Variants in SNTG2 observed in about 807,000 individuals in gnomAD.
SNTG2 encodes the protein syntrophin gamma 2.
Under a neutral mutation model 70.9 loss-of-function variants are expected in SNTG2, and 74 were observed. The observed-to-expected ratio is 1.04, with a 90% CI of 0.86 to 1.27. SNTG2 has a LOEUF of 1.27. Ranked by LOEUF, SNTG2 falls within the 50% of genes most tolerant of loss-of-function variation. The pLI, the probability that SNTG2 is intolerant of heterozygous loss-of-function variation, is 0.00. For synonymous variants in SNTG2, 278 were observed against 273.8 expected, an observed-to-expected ratio of 1.02 and a Z score of -0.15; for missense variants, 717 against 690.7, an observed-to-expected ratio of 1.04 and a Z score of -0.43.
At chr2:1,174,338 TA>T (rs1671332853) in intron 8 of SNTG2, among the ~76,000 whole-genome samples, 1 of 152,060 alleles carries the variant, frequency 6.6e-6, no homozygotes, top group African/African-American at 2.4e-5. Context: ...GCAAGGCTTA[TA>T]AAATATTATT....
At chr2:1,278,964 A>G (rs74957399) in intron 14 of SNTG2, among the ~76,000 whole-genome samples, 2 of 60,376 alleles carry the variant, frequency 3.3e-5, no homozygotes, top group African/African-American at 8.9e-5. Context: ...CTGTCAGTGC[A>G]TAACACCCTG....
intron 1 of SNTG2, among the ~76,000 whole-genome samples, chr2:992,184 A>G (rs1661519783): frequency 6.6e-6 from 1 of 152,200 alleles, no homozygotes; most frequent in African/African-American, 2.4e-5. Context: ...ACATTTGATT[A>G]TTTTGTAAAG....
chr2:1,145,598 G>C (rs897410475), intron 6 of SNTG2, among the ~76,000 whole-genome samples: 1 of 152,154 alleles, frequency 6.6e-6, no homozygotes, highest in African/African-American at 2.4e-5. Context: ...AGGCCAGACG[G>C]GTTCCCTGGT....
At chr2:956,802 G>C (rs536215028) in intron 1 of SNTG2, among the ~76,000 whole-genome samples, 1 of 152,356 alleles carries the variant, frequency 6.6e-6, no homozygotes, top group Admixed American at 6.5e-5. Flanking sequence ...CTATGAACTA[G>C]AGAGAAAGTT....
At chr2:1,051,612 T>G (rs998682660) in intron 1 of SNTG2, among the ~76,000 whole-genome samples, 2 of 152,206 alleles carry the variant, frequency 1.3e-5, no homozygotes, top group Admixed American at 1.3e-4. Flanking sequence ...GGCTATAAAG[T>G]CTGCAGTTTC....
intron 14 of SNTG2, among the ~76,000 whole-genome samples, chr2:1,279,081 C>T (rs959377316): frequency 9.5e-6 from 1 of 105,240 alleles, no homozygotes; most frequent in African/African-American, 3.0e-5. Flanking sequence ...GCGAATGACC[C>T]CTCTGTCAGT....
At chr2:966,537 A>T (rs1179432744) in intron 1 of SNTG2, among the ~76,000 whole-genome samples, 1 of 152,248 alleles carries the variant, frequency 6.6e-6, no homozygotes, top group African/African-American at 2.4e-5. Context: ...ATAATTCATA[A>T]GAGAAAAATA....
chr2:1,285,710 G>C (rs924062524), intron 14 of SNTG2, among the ~76,000 whole-genome samples: 1 of 152,224 alleles, frequency 6.6e-6, no homozygotes, highest in African/African-American at 2.4e-5. Flanking sequence ...CATGGTCATA[G>C]CTGGTATTAA....
intron 1 of SNTG2, among the ~76,000 whole-genome samples, chr2:997,629 A>G (rs2147984430): frequency 6.6e-6 from 1 of 152,154 alleles, no homozygotes; most frequent in Non-Finnish European, 1.5e-5. Flanking sequence ...CCTCCCCATC[A>G]CTCACCTCAG....
intron 6 of SNTG2, among the ~76,000 whole-genome samples, chr2:1,154,277 G>A (rs1326449561): frequency 6.6e-6 from 1 of 152,144 alleles, no homozygotes; most frequent in East Asian, 1.9e-4. Flanking sequence ...CAGCTGAGGC[G>A]CTGGCACGGG....
chr2:1,190,230 A>T (rs886507860), intron 8 of SNTG2, among the ~76,000 whole-genome samples: 2 of 152,020 alleles, frequency 1.3e-5, no homozygotes, highest in Non-Finnish European at 2.9e-5. Flanking sequence ...ATAGATGCTT[A>T]AGACCCTTAT....
intron 1 of SNTG2, among the ~76,000 whole-genome samples, chr2:977,309 A>G (rs1660938275): frequency 6.6e-6 from 1 of 152,212 alleles, no homozygotes; most frequent in South Asian, 2.1e-4. Context: ...CAAACATGTT[A>G]GTAAAGGTGC....
chr2:1,133,917 C>CT (rs1558439026), intron 4 of SNTG2, among the ~76,000 whole-genome samples: 1 of 117,804 alleles, frequency 8.5e-6, no homozygotes, highest in Non-Finnish European at 1.9e-5. Context: ...CGGACCCTCG[C>CT]GGTGAGTGTT....
chr2:1,173,545 C>G (rs758675425), intron 8 of SNTG2, among the ~76,000 whole-genome samples: 7 of 152,228 alleles, frequency 4.6e-5, no homozygotes, highest in Non-Finnish European at 7.3e-5. Flanking sequence ...CAGAAAACAC[C>G]TAAGGAGGTA....
chr2:967,216 T>C (rs73165765), intron 1 of SNTG2, among the ~76,000 whole-genome samples: 51,473 of 152,064 alleles, frequency 0.34, 9,407 homozygotes, highest in Middle Eastern at 0.46. Context: ...TTTTCTTTTT[T>C]TTCTATTGAC....
At chr2:1,277,913 C>T (rs1679334517) in intron 14 of SNTG2, among the ~76,000 whole-genome samples, 1 of 152,230 alleles carries the variant, frequency 6.6e-6, no homozygotes, top group Admixed American at 6.5e-5. Flanking sequence ...GTCTCCATGT[C>T]AGTGGGGTTT....
At chr2:1,052,816 C>T (rs1382703889) in intron 1 of SNTG2, among the ~76,000 whole-genome samples, 2 of 152,136 alleles carry the variant, frequency 1.3e-5, no homozygotes, top group Admixed American at 6.5e-5. Flanking sequence ...GGGATGAGGT[C>T]GCTGATTTTC....
intron 16 of SNTG2, among the ~76,000 whole-genome samples, chr2:1,364,146 ATTTT>A (rs57194458): frequency 1.1e-3 from 155 of 147,188 alleles, no homozygotes; most frequent in Admixed American, 1.2e-3. Flanking sequence ...AATTTTTAGT[ATTTT>A]TTTTTTTTTT....
In SNTG2 at chr2:981,619, A is replaced by G. The variant is rs569313105; in HGVS notation, c.72+30551A>G. On this transcript the variant is annotated intron_variant, in intron 1 of 16. Transcript: ENST00000308624. ...TGTGCCCACACATATGCACATATGC[A>G]TATACACACAGGTGCACAGACGTGT... Among the ~76,000 whole-genome samples, 860 of 151,750 alleles carry G rather than the reference A, an allele frequency of 5.7e-3. 3 individuals carry two copies. Among genetic ancestry groups the G allele is most frequent in the Non-Finnish European group, 9.9e-3 (671 of 67,790 alleles).
Sources: gnomAD v4.1 joint callset for allele counts (sites outside exome capture counted in the v4.1 genomes callset) on GRCh38, gnomAD v4.1.1 for gene constraint, MANE v1.5 for transcripts, NCBI Gene and HGNC (gene_info 2026-07-23, HGNC 2026-07-21) for gene names.